The following CTSO variants were observed in gnomAD, a reference collection of about 807,000 sequenced individuals.
CTSO encodes the protein cathepsin O.
CTSO carries 40 observed loss-of-function variants against 42.4 expected under a neutral mutation model. That is an observed-to-expected ratio of 0.94 (90% CI 0.73 to 1.23). The LOEUF (loss-of-function observed/expected upper bound fraction) is 1.23. CTSO is among the 50% of genes most tolerant of loss of function. The pLI is 0.00. For synonymous variants in CTSO, 156 were observed against 146.2 expected, an observed-to-expected ratio of 1.07 and a Z score of -0.48; for missense variants, 441 against 396.0, an observed-to-expected ratio of 1.11 and a Z score of -0.96.
intron 3 of CTSO, among the ~76,000 whole-genome samples, chr4:155,940,994 A>G (rs1743420444): frequency 6.6e-6 from 1 of 152,322 alleles, no homozygotes; most frequent in African/African-American, 2.4e-5. Context: ...TTCCCTCTTC[A>G]ATACACTGTG....
chr4:155,945,187 G>A (rs1743518712), intron 1 of CTSO, among the ~76,000 whole-genome samples: 1 of 151,914 alleles, frequency 6.6e-6, no homozygotes, highest in African/African-American at 2.4e-5. Context: ...AACCTGGAAG[G>A]CGGAGGTTGC....
rs112237221 is a variant in CTSO, at chr4:155,927,699, C to T, written c.931+637G>A. On this transcript the variant is annotated intron_variant, in intron 7 of 7. Transcript: ENST00000433477. ...CTGAGGCAGGAGAAGAGTGTGAACC[C>T]GGGAGGCGGAGCTTGCAGTGAGCCG... Among the ~76,000 whole-genome samples, 1,382 of 151,796 alleles carry T rather than the reference C, an allele frequency of 9.1e-3. 21 individuals carry two copies. Among genetic ancestry groups the T allele is most frequent in the African/African-American group, 0.032 (1,320 of 41,390 alleles).
intron 1 of CTSO, among the ~76,000 whole-genome samples, chr4:155,944,572 A>C (rs2110929884): frequency 6.6e-6 from 1 of 152,304 alleles, no homozygotes; most frequent in African/African-American, 2.4e-5. Context: ...TAGGATGTTA[A>C]GAATGCACAG....
intron 1 of CTSO, among the ~76,000 whole-genome samples, chr4:155,950,416 G>A (rs1052270281): frequency 6.6e-6 from 1 of 152,208 alleles, no homozygotes; most frequent in Non-Finnish European, 1.5e-5. Flanking sequence ...TTGGATAAAT[G>A]TATGGGAAGA....
chr4:155,931,930 G>A (rs182268695), intron 5 of CTSO, among the ~76,000 whole-genome samples: 42 of 152,014 alleles, frequency 2.8e-4, no homozygotes, highest in Admixed American at 2.6e-3. Flanking sequence ...ATGCGGCGAT[G>A]AAGGCAAGTC....
At position 155,925,215 on chromosome 4, in the gene CTSO, G is replaced by A. The variant is rs1328629721; in HGVS notation, c.*821C>T. 1 of 152,074 alleles carries A rather than the reference G, an allele frequency of 6.6e-6. No homozygotes were observed. Among genetic ancestry groups the A allele is most frequent in the Non-Finnish European group, 1.5e-5 (1 of 68,014 alleles). 9.4% of individuals were successfully genotyped at this position (152,074 alleles called of 1,614,324 possible). ...AAAACTTGGTAAAGAGTAAGAGAAA[G>A]AGGGAGAAAATATGAGATAATATTT... On this transcript the variant is annotated 3_prime_UTR_variant, in exon 8 of 8. Transcript: ENST00000433477.
At chr4:155,950,997 G>A (rs1743663666) in intron 1 of CTSO, among the ~76,000 whole-genome samples, 1 of 152,112 alleles carries the variant, frequency 6.6e-6, no homozygotes, top group South Asian at 2.1e-4. Context: ...CAGATTTCAA[G>A]GGGCTGATTA....
At chr4:155,943,403 G>T in intron 1 of CTSO, 139 bp from the exon 2 acceptor site, 1 of 532,988 alleles carries the variant, frequency 1.9e-6, no homozygotes. Context: ...AGTTGTATAA[G>T]ATATCCATAG....
chr4:155,948,629 T>C (rs1005408160), intron 1 of CTSO, among the ~76,000 whole-genome samples: 5 of 152,154 alleles, frequency 3.3e-5, no homozygotes, highest in African/African-American at 9.7e-5. Flanking sequence ...GATAACTCTA[T>C]TGACAAGAGA....
chr4:155,952,436 GTGTT>G (rs1486531087), intron 1 of CTSO, among the ~76,000 whole-genome samples: 1 of 152,156 alleles, frequency 6.6e-6, no homozygotes, highest in East Asian at 1.9e-4. Flanking sequence ...GCCTGACAGT[GTGTT>G]TATTTATTTA....
chr4:155,947,022 AT>A (rs1054572455), intron 1 of CTSO, among the ~76,000 whole-genome samples: 2 of 151,672 alleles, frequency 1.3e-5, no homozygotes, highest in African/African-American at 4.8e-5. Flanking sequence ...TGCCCGGCTA[AT>A]TTTTTTTGTA....
intron 1 of CTSO, among the ~76,000 whole-genome samples, chr4:155,948,517 A>G (rs1037234966): frequency 6.6e-6 from 1 of 152,174 alleles, no homozygotes; most frequent in South Asian, 2.1e-4. Flanking sequence ...ATGCTTCATG[A>G]GTATGCTAAA....
Position 155,943,159 on chromosome 4 carries a change from T to C in CTSO, c.241A>G (p.Lys81Glu). ...QFSYLFPEEF[K>E]AIYLRSKPSK... is the part of the protein sequence containing the mutation. ...AAATAGCAACATCGGACTATACCTT[T>C]AAACTCTTCAGGAAACAAATAGGAA... Residue 81 changes from lysine (K) to glutamate (E), a missense_variant, in exon 2 of 8, where the codon AAA becomes GAA. Transcript: ENST00000433477. 6.3e-7 allele frequency: 1 copy of C among 1,597,228 alleles called. No homozygotes were observed.
chr4:155,953,837 C>A lies in CTSO; in HGVS notation c.11G>T (p.Arg4Leu), dbSNP rs1579352693. The change falls in exon 1 of 8, where the codon CGG (arginine) becomes CTG (leucine). Residue 4 changes from arginine to leucine, a missense_variant. Transcript: ENST00000433477. ...CAGCCACGGCAGCCACGGCAGCGCC[C>A]GCACGTCCATTGCGGCGCCCGGCTC... MDV[R>L]ALPWLPWLLW... 1.5e-6 allele frequency: 2 copies of A among 1,293,666 alleles called. No homozygotes were observed. The highest frequency in any genetic ancestry group is 2.0e-6 in the Non-Finnish European group (2 of 1,024,030). 80.1% of individuals were successfully genotyped at this position (1,293,666 alleles called of 1,614,324 possible). A position where few individuals can be genotyped will look rare whatever the true frequency, so the allele number is the denominator to read the frequency against.
At chr4:155,938,901 G>A (rs768627344) in intron 4 of CTSO, among the ~76,000 whole-genome samples, 1 of 152,140 alleles carries the variant, frequency 6.6e-6, no homozygotes, top group Non-Finnish European at 1.5e-5. Context: ...AGGTTGCAGT[G>A]AGCCAAGATT....
intron 1 of CTSO, among the ~76,000 whole-genome samples, chr4:155,952,516 A>T (rs1376827981): frequency 2.0e-5 from 3 of 152,252 alleles, no homozygotes; most frequent in African/African-American, 7.2e-5. Flanking sequence ...GTTTACCAGG[A>T]AAACGAACGT....
chr4:155,930,690 A>T (rs527323822), intron 5 of CTSO, among the ~76,000 whole-genome samples: 2 of 152,268 alleles, frequency 1.3e-5, no homozygotes, highest in African/African-American at 4.8e-5. Context: ...TTTCATGACG[A>T]CCAGCTGGAG....
At chr4:155,948,989 C>T (rs1209319565) in intron 1 of CTSO, among the ~76,000 whole-genome samples, 1 of 152,174 alleles carries the variant, frequency 6.6e-6, no homozygotes, top group Non-Finnish European at 1.5e-5. Flanking sequence ...CTTGCATGTA[C>T]TCAACTGTTT....
chr4:155,929,514 C>T (rs758078500), intron 6 of CTSO, 28 bp downstream of exon 6: 3 of 1,592,382 alleles, frequency 1.9e-6, no homozygotes, highest in South Asian at 2.3e-5. Context: ...TGCTGGAAAG[C>T]AGTCAACTGA....
Sources: allele counts gnomAD v4.1 joint callset (sites outside exome capture counted in the v4.1 genomes callset), GRCh38; gene constraint gnomAD v4.1.1; transcripts MANE v1.5; gene names NCBI Gene and HGNC (gene_info 2026-07-23, HGNC 2026-07-21).